Variants in MEGF11 observed in about 807,000 individuals in gnomAD.
MEGF11 encodes multiple epidermal growth factor-like domains protein 11.
A neutral mutation model predicts 146.6 loss-of-function variants in MEGF11; 126 were observed. That is an observed-to-expected ratio of 0.86 (90% CI 0.74 to 1.00). The LOEUF (loss-of-function observed/expected upper bound fraction) is 1.00, where lower values mean the gene tolerates loss of function less well. Ranked by LOEUF, MEGF11 falls within the 50% of genes least tolerant of loss-of-function variation. The pLI, the probability that MEGF11 is intolerant of heterozygous loss-of-function variation, is 0.00. For missense variants in MEGF11, 1,509 were observed against 1,521.2 expected (o/e 0.99, Z 0.13); for synonymous variants, 532 against 583.4 (o/e 0.91, Z 1.27).
chr15:65,911,415 G>T (rs905859097), intron 21 of MEGF11, among the ~76,000 whole-genome samples: 2 of 151,734 alleles, frequency 1.3e-5, no homozygotes, highest in South Asian at 4.1e-4. Context: ...TGGTCTAGTT[G>T]TTGTTGTTGT....
rs763398183 is a variant in MEGF11, at chr15:65,915,462, T to A, written c.2473+8A>T. 3 of 1,613,482 alleles carry A rather than the reference T, an allele frequency of 1.9e-6. No individual in the cohort carries two copies. The Admixed American group carries it at 5.0e-5, about 27-fold the overall frequency. On this transcript the variant is annotated splice_region_variant and intron_variant, in intron 19 of 25. Coordinates refer to ENST00000395614, the MANE Select transcript of MEGF11 (RefSeq NM_001385028.1). ...ACAGACCCCGGGGCTCTGCCACGTG[T>A]GTATTACCTTGGTCACACCTGATTC...
chr15:66,061,717 C>G (rs969217212), intron 5 of MEGF11, among the ~76,000 whole-genome samples: 1 of 149,926 alleles, frequency 6.7e-6, no homozygotes, highest in Non-Finnish European at 1.5e-5. Context: ...CTCACTGTGG[C>G]CTCAAATTTC....
chr15:65,916,916 T>C lies in MEGF11; in HGVS notation c.2127A>G (p.Ala709=), dbSNP rs2079018909. The C allele has an allele frequency of 1.5e-5, 24 of 1,571,056 alleles. No homozygotes were observed. The East Asian group carries it at 5.3e-4, about 35-fold the overall frequency. Residue 709 remains alanine, a synonymous_variant, in exon 17 of 26, where the codon GCA becomes GCG. Transcript: ENST00000395614. The part of the protein sequence containing the change: ...PGFWGPACFH[A]CSCHNGASCS... The stretch of plus-strand genomic sequence containing the variant: ...AGCTCGCCCCGTTGTGGCAGCTGCA[T>C]GCGTGGAAGCAGGCGGGGCCCCAGA...
At chr15:66,139,506 C>T (rs1402437577) in intron 1 of MEGF11, among the ~76,000 whole-genome samples, 2 of 151,092 alleles carry the variant, frequency 1.3e-5, no homozygotes, top group Non-Finnish European at 2.9e-5. Context: ...TGAAACTGAA[C>T]AAACATGCTA....
chr15:66,117,227 CATT>C (rs1185389739), intron 4 of MEGF11, among the ~76,000 whole-genome samples: 5 of 152,158 alleles, frequency 3.3e-5, no homozygotes, highest in African/African-American at 1.2e-4. Context: ...GATTCTGTGT[CATT>C]ACTACCAGCA....
intron 24 of MEGF11, among the ~76,000 whole-genome samples, chr15:65,903,289 A>G (rs1262918865): frequency 6.6e-6 from 1 of 152,228 alleles, no homozygotes; most frequent in Non-Finnish European, 1.5e-5. Flanking sequence ...GCGATGGAGA[A>G]TAGCAATTTG....
intron 10 of MEGF11, among the ~76,000 whole-genome samples, chr15:65,954,496 C>T (rs531603041): frequency 2.0e-5 from 3 of 152,248 alleles, no homozygotes; most frequent in African/African-American, 7.2e-5. Context: ...CTCCTGCAGC[C>T]CCTGCCCAAC....
Position 66,082,467 on chromosome 15 carries a change from A to T in MEGF11, c.394+11935T>A, listed in dbSNP as rs1035845134. Among the ~76,000 whole-genome samples the T allele has an allele frequency of 2.5e-3, 81 of 32,672 alleles. 1 individual carries two copies. Among genetic ancestry groups the T allele is most frequent in the Admixed American group, 0.019 (47 of 2,452 alleles). 21.4% of individuals were successfully genotyped at this position (32,672 alleles called of 152,430 possible). On this transcript the variant is annotated intron_variant, in intron 5 of 25. Coordinates refer to ENST00000395614, the MANE Select transcript of MEGF11 (RefSeq NM_001385028.1). ...AAAAAAAAAAAAAAAAAAAAAAAAA[A>T]TCTATCTATCTATCTATCTATCTAT...
At chr15:66,040,172 C>T (rs942542696) in intron 5 of MEGF11, 2 of 154,884 alleles carry the variant, frequency 1.3e-5, no homozygotes, top group Admixed American at 6.5e-5. Flanking sequence ...GTAACCCAGT[C>T]GAAACAGTTG....
intron 1 of MEGF11, among the ~76,000 whole-genome samples, chr15:66,194,326 G>T (rs1204059975): frequency 6.6e-6 from 1 of 152,134 alleles, no homozygotes; most frequent in Non-Finnish European, 1.5e-5. Context: ...ATGATAGAAT[G>T]AGCCGGGCAT....
chr15:66,197,988 G>GC (rs763305596), intron 1 of MEGF11, among the ~76,000 whole-genome samples: 2 of 152,232 alleles, frequency 1.3e-5, no homozygotes, highest in Non-Finnish European at 2.9e-5. Context: ...TACTTGGAAG[G>GC]CCGCAGTGGG....
chr15:66,026,779 C>T (rs1172699907), intron 5 of MEGF11, among the ~76,000 whole-genome samples: 1 of 152,218 alleles, frequency 6.6e-6, no homozygotes, highest in African/African-American at 2.4e-5. Flanking sequence ...TAAGCCACCA[C>T]ACCTGGCCGA....
At chr15:66,044,684 AAT>A (rs2084123043) in intron 5 of MEGF11, among the ~76,000 whole-genome samples, 2 of 276 alleles carry the variant, frequency 7.2e-3, no homozygotes, top group East Asian at 0.5. Flanking sequence ...CACTAAAAAT[AAT>A]AATAATAATA....
chr15:66,253,240 G>A (rs935293093), intron 1 of MEGF11, among the ~76,000 whole-genome samples: 4 of 152,298 alleles, frequency 2.6e-5, no homozygotes, highest in South Asian at 4.1e-4. Context: ...GGGGGCGGAC[G>A]GGCGCCCTCC....
chr15:66,182,258 T>C (rs1210810723), intron 1 of MEGF11, among the ~76,000 whole-genome samples: 2 of 152,144 alleles, frequency 1.3e-5, no homozygotes, highest in African/African-American at 4.8e-5. Flanking sequence ...GAGATTCCTC[T>C]GAAGGAAGTA....
intron 5 of MEGF11, among the ~76,000 whole-genome samples, chr15:66,023,031 T>G (rs1424495794): frequency 6.7e-6 from 1 of 149,746 alleles, no homozygotes; most frequent in African/African-American, 2.5e-5. Flanking sequence ...TGGATACCTG[T>G]AATCCCACAG....
rs1053065397 is a variant in MEGF11 at position 65,982,230 on chromosome 15, C to T, written c.641+12G>A. The T allele has an allele frequency of 6.5e-6, 10 of 1,540,146 alleles. No homozygotes were observed. Among genetic ancestry groups the T allele is most frequent in the East Asian group, 2.5e-5 (1 of 40,718 alleles). On this transcript the variant is annotated intron_variant, in intron 6 of 25. Transcript: ENST00000395614. This position sits in a 1 kb window ranked among gnomAD's most constrained non-coding sequence, Gnocchi z 5.6. ...CAGGTCCCGCCCCTCCAGGTCCTGC[C>T]GCATGACTCACTAGACGCCGGTGTA...
At chr15:66,040,903 G>A (rs1026369341) in intron 5 of MEGF11, among the ~76,000 whole-genome samples, 7 of 127,898 alleles carry the variant, frequency 5.5e-5, no homozygotes, top group Non-Finnish European at 1.1e-4. Flanking sequence ...TATCCACTCA[G>A]AGGAAGGGAC....
chr15:65,957,781 C>T (rs1596905627), intron 9 of MEGF11, 60 bp from the exon 10 acceptor site: 2 of 1,553,984 alleles, frequency 1.3e-6, no homozygotes, highest in Non-Finnish European at 1.8e-6. Context: ...CATGTCCCCG[C>T]CCTCTGTCTA....
Sources: allele counts gnomAD v4.1 joint callset (sites outside exome capture counted in the v4.1 genomes callset), GRCh38; gene constraint gnomAD v4.1.1; non-coding constraint Gnocchi (gnomAD v3.1); transcripts MANE v1.5; gene names NCBI Gene and HGNC (gene_info 2026-07-23, HGNC 2026-07-21).